Variants in CAPN2 observed in about 807,000 individuals in gnomAD.
The protein encoded by CAPN2 is calpain-2 catalytic subunit.
CAPN2 carries 92 observed loss-of-function variants against 102.3 expected under a neutral mutation model. The observed-to-expected ratio is 0.90, with a 90% CI of 0.76 to 1.07. The LOEUF (loss-of-function observed/expected upper bound fraction) is 1.07, where lower values mean the gene tolerates loss of function less well. Ranked by LOEUF, CAPN2 falls within the 50% of genes least tolerant of loss-of-function variation. The pLI is 0.00. For missense variants in CAPN2, 800 were observed against 909.4 expected (o/e 0.88, Z 1.55); for synonymous variants, 340 against 355.4 (o/e 0.96, Z 0.49).
In CAPN2 at chr1:223,702,105, A is replaced by AAGAAAGGAAGGAAGGAAGGAAG. The variant is rs1553343526; in HGVS notation, c.3+274_3+275insAGAAAGGAAGGAAGGAAGGAAG. Among the ~76,000 whole-genome samples, 246 of 84,606 alleles carry AAGAAAGGAAGGAAGGAAGGAAG rather than the reference A, an allele frequency of 2.9e-3. 12 individuals are homozygous for AAGAAAGGAAGGAAGGAAGGAAG. In the East Asian group the frequency reaches 0.076, roughly 26 times the overall value. The allele number at this position is 84,606 out of a possible 152,430, so 55.5% of individuals were successfully genotyped here. A position where few individuals can be genotyped will look rare whatever the true frequency, so the allele number is the denominator to read the frequency against. ...AGGGAGGGAGGGAGGAAAGAAGGAA[A>AAGAAAGGAAGGAAGGAAGGAAG]GAAGGAAGGAAGGAAGGAAGGAAGG... On this transcript the variant is annotated intron_variant, in intron 1 of 20. Coordinates refer to the CAPN2 transcript ENST00000433674.
In CAPN2 at chr1:223,759,319, A is replaced by G. The variant is rs766091537; in HGVS notation, c.1367A>G (p.Asn456Ser). The change falls in exon 12 of 21, where the codon AAT (asparagine) becomes AGT (serine). Residue 456 changes from asparagine to serine, a missense_variant. Transcript: ENST00000295006. This position sits in a 1 kb window ranked among gnomAD's most constrained non-coding sequence, Gnocchi z 4.6. ...CTCAGCAAAAACTTCTTCCTGACGAATCGCGCCAGGGAGCGCTCAGACACC... is the reference window on the plus strand; with the variant it reads ...CTCAGCAAAAACTTCTTCCTGACGAGTCGCGCCAGGGAGCGCTCAGACACC... Reference protein sequence around the residue: ...IHLSKNFFLTNRARERSDTFI... With the variant: ...IHLSKNFFLTSRARERSDTFI... 2.5e-6 allele frequency: 4 copies of G among 1,614,226 alleles called. No homozygotes were observed. Among genetic ancestry groups the G allele is most frequent in the Non-Finnish European group, 2.5e-6 (3 of 1,180,040 alleles).
chr1:223,730,701 G>A (rs1013713233), intron 2 of CAPN2, among the ~76,000 whole-genome samples: 24 of 152,236 alleles, frequency 1.6e-4, no homozygotes, highest in South Asian at 6.2e-4. Context: ...AAAGGAGGAG[G>A]ATAAAATGAG....
At chr1:223,769,278 G>A (rs563722522) in intron 16 of CAPN2, among the ~76,000 whole-genome samples, 66 of 151,724 alleles carry the variant, frequency 4.4e-4, no homozygotes, top group Non-Finnish European at 7.8e-4. Flanking sequence ...GCGCCACCAT[G>A]CCCAGCTGAT....
chr1:223,770,530 C>G lies in CAPN2; in HGVS notation c.1903+5C>G. The G allele has an allele frequency of 6.3e-7, 1 of 1,599,186 alleles. No individual in the cohort carries two copies. Among genetic ancestry groups the G allele is most frequent in the Non-Finnish European group, 8.6e-7 (1 of 1,166,718 alleles). ...GGAAGGCATTAGAAGAAGCAGGTAA[C>G]CCTTTATAACTGCATTTTCGTTCCT... is the stretch of plus-strand genomic sequence containing the variant. On this transcript the variant is annotated splice_donor_5th_base_variant and intron_variant, in intron 18 of 20. Transcript: ENST00000295006.
chr1:223,750,808 C>A, intron 6 of CAPN2, 82 bp from the exon 7 acceptor site: 3 of 1,300,024 alleles, frequency 2.3e-6, no homozygotes, highest in Non-Finnish European at 3.3e-6. Flanking sequence ...CTGGCTCATG[C>A]GGAAGGGGGT....
intron 2 of CAPN2, among the ~76,000 whole-genome samples, chr1:223,742,023 ATG>A: frequency 6.6e-6 from 1 of 152,176 alleles, no homozygotes; most frequent in South Asian, 2.1e-4. Flanking sequence ...GTAAGCAACC[ATG>A]TCTAAGTGCT....
Position 223,717,789 on chromosome 1 carries a change from A to G in CAPN2, c.265A>G (p.Ile89Val). 1.9e-6 allele frequency: 3 copies of G among 1,614,156 alleles called. No individual in the cohort carries two copies. The highest frequency in any genetic ancestry group is 1.7e-5 in the Admixed American group (1 of 60,030). ...TEICADPQFI[I>V]GGATRTDICQ... ...GATCTGCGCTGACCCCCAGTTTATC[A>G]TTGGAGGAGCCACCCGCACAGACAT... The change falls in exon 2 of 21, where the codon ATT becomes GTT. Residue 89 changes from isoleucine (I) to valine (V), a missense_variant. Transcript: ENST00000295006.
chr1:223,752,223 A>G, intron 8 of CAPN2, 152 bp downstream of exon 8: 1 of 616,808 alleles, frequency 1.6e-6, no homozygotes, highest in South Asian at 2.1e-5. Flanking sequence ...TAAGTTCACT[A>G]TAAGAGCCTG....
chr1:223,711,531 A>G (rs1344024391), upstream of CAPN2, among the ~76,000 whole-genome samples: 1 of 152,260 alleles, frequency 6.6e-6, no homozygotes, highest in East Asian at 1.9e-4. Flanking sequence ...GGCCCTACAT[A>G]TACTTTAAAA....
rs755480116 is a variant in CAPN2, at chr1:223,766,366, G to A, written c.1691-1G>A. 6.2e-7 allele frequency: 1 copy of A among 1,613,000 alleles called. No homozygotes were observed. The highest frequency in any genetic ancestry group is 8.5e-7 in the Non-Finnish European group (1 of 1,178,998). On this transcript the variant is annotated splice_acceptor_variant, in intron 15 of 20. Transcript: ENST00000295006. LOFTEE classifies it high-confidence loss of function. ...CCTGTCACACTGATTTTGTCTTTTA[G>A]GCCAAGATATCAAGTCAGATGGCTT... is the stretch of plus-strand genomic sequence containing the variant.
intron 2 of CAPN2, among the ~76,000 whole-genome samples, chr1:223,720,258 T>C (rs1473508569): frequency 6.6e-6 from 1 of 151,796 alleles, no homozygotes; most frequent in Non-Finnish European, 1.5e-5. Flanking sequence ...TACTCCTCAT[T>C]CCTTGTGCTA....
At chr1:223,713,534 G>T (rs28370011) in intron 1 of CAPN2, among the ~76,000 whole-genome samples, 5,347 of 152,088 alleles carry the variant, frequency 0.035, 315 homozygotes, top group African/African-American at 0.12. Flanking sequence ...CCCTTATCCC[G>T]TCCCCCAGGG....
intron 10 of CAPN2, 122 bp from the exon 11 acceptor site, chr1:223,757,247 T>C (rs1661058785): frequency 9.4e-7 from 1 of 1,067,724 alleles, no homozygotes. Context: ...AGTTACTCGG[T>C]TGAATTAGTT....
At chr1:223,749,347 G>A in intron 6 of CAPN2, 1 of 592,144 alleles carries the variant, frequency 1.7e-6, no homozygotes, top group Non-Finnish European at 3.0e-6. Flanking sequence ...CCGGCGCCAG[G>A]GGCCCTGGTT....
At chr1:223,743,606 C>T (rs547045491) in intron 2 of CAPN2, among the ~76,000 whole-genome samples, 2 of 152,144 alleles carry the variant, frequency 1.3e-5, no homozygotes, top group African/African-American at 2.4e-5. Context: ...ATCCTCCTGC[C>T]GCAGCCTCCC....
intron 1 of CAPN2, among the ~76,000 whole-genome samples, chr1:223,705,197 C>T (rs140891900): frequency 3.7e-4 from 57 of 152,292 alleles, no homozygotes; most frequent in African/African-American, 1.3e-3. Context: ...AGAAATGGAA[C>T]GGGGCAAAGT....
At chr1:223,746,431 A>G (rs1660749318) in intron 4 of CAPN2, among the ~76,000 whole-genome samples, 1 of 150,884 alleles carries the variant, frequency 6.6e-6, no homozygotes, top group African/African-American at 2.5e-5. Context: ...AGGTTCATCC[A>G]GAAAATCACT....
intron 15 of CAPN2, among the ~76,000 whole-genome samples, chr1:223,765,539 A>C (rs1661290647): frequency 6.6e-6 from 1 of 152,218 alleles, no homozygotes; most frequent in South Asian, 2.1e-4. Flanking sequence ...GGTGGGGAAG[A>C]AGCGGGCCTT....
chr1:223,767,211 TAA>T (rs1661360604), intron 16 of CAPN2, among the ~76,000 whole-genome samples: 1 of 152,094 alleles, frequency 6.6e-6, no homozygotes, highest in African/African-American at 2.4e-5. Flanking sequence ...TATTATACTT[TAA>T]GTTTTAGGGT....
Sources: allele counts gnomAD v4.1 joint callset (sites outside exome capture counted in the v4.1 genomes callset), GRCh38; gene constraint gnomAD v4.1.1; non-coding constraint Gnocchi (gnomAD v3.1); transcripts MANE v1.5; gene names NCBI Gene and HGNC (gene_info 2026-07-23, HGNC 2026-07-21).